DAAM1: variants seen among roughly 807,000 people sequenced by gnomAD.
The protein encoded by DAAM1 is disheveled-associated activator of morphogenesis 1.
In DAAM1, 52 loss-of-function variants were observed where a neutral mutation model predicts 130.0. The ratio of observed to expected loss-of-function variants is 0.40; its 90% CI spans 0.32 to 0.50. The LOEUF is 0.50. Among genes scored for constraint, DAAM1 ranks in the 20% least tolerant of loss-of-function variants. DAAM1 has a pLI of 0.61. For missense variants in DAAM1, 1,134 were observed against 1,303.8 expected, an observed-to-expected ratio of 0.87 and a Z score of 2.01; for synonymous variants, 452 against 444.5, an observed-to-expected ratio of 1.02 and a Z score of -0.21.
intron 1 of DAAM1, among the ~76,000 whole-genome samples, chr14:59,253,786 C>A (rs1170572806): frequency 1.3e-5 from 2 of 152,216 alleles, no homozygotes; most frequent in African/African-American, 4.8e-5. Context: ...GGGACCCTGT[C>A]TAGGCCTCAC....
chr14:59,249,421 C>G (rs1028251583), intron 1 of DAAM1, among the ~76,000 whole-genome samples: 2 of 152,168 alleles, frequency 1.3e-5, no homozygotes, highest in African/African-American at 2.4e-5. Context: ...ACAGATACCA[C>G]GAAACTGCTA....
At chr14:59,192,149 G>GGGGTGT (rs1555353452) in intron 1 of DAAM1, among the ~76,000 whole-genome samples, 21 of 138,650 alleles carry the variant, frequency 1.5e-4, no homozygotes, top group South Asian at 9.9e-4. Flanking sequence ...CTTGTTAAGG[G>GGGGTGT]GTGTGTGTGT....
At chr14:59,282,274 C>T (rs1248582293) in intron 2 of DAAM1, among the ~76,000 whole-genome samples, 1 of 152,158 alleles carries the variant, frequency 6.6e-6, no homozygotes, top group Non-Finnish European at 1.5e-5. Context: ...TTGATTTCCC[C>T]TCCATCTGCA....
intron 2 of DAAM1, among the ~76,000 whole-genome samples, chr14:59,278,832 T>A (rs147548282): frequency 5.3e-5 from 8 of 152,300 alleles, no homozygotes; most frequent in African/African-American, 1.9e-4. Flanking sequence ...TTTCCCAGAT[T>A]GAGCTACTTA....
In DAAM1 at chr14:59,315,331, C is replaced by A. The variant is rs376663825; in HGVS notation, c.325C>A (p.Gln109Lys). 1.9e-6 allele frequency: 3 copies of A among 1,613,840 alleles called. No homozygotes were observed. In the East Asian group the frequency reaches 6.7e-5, roughly 36 times the overall value. Residue 109 changes from glutamine to lysine, a missense_variant, in exon 4 of 25, where the codon CAG becomes AAG. Physicochemically the swap from Gln to Lys is moderately conservative, Grantham distance 53 (BLOSUM62 1). Transcript: ENST00000360909. ...AAGTTGGCCTGAATTCTACATTGAT[C>A]AGCTCAATTCCATGGCTGCTGTAAG... ...ATSWPEFYIDQLNSMAARKSL... is the reference protein window; with the variant it reads ...ATSWPEFYIDKLNSMAARKSL...
chr14:59,345,049 T>C (rs1275940552), intron 16 of DAAM1, among the ~76,000 whole-genome samples: 6 of 152,158 alleles, frequency 3.9e-5, no homozygotes, highest in Non-Finnish European at 8.8e-5. Context: ...CTCCCTATTG[T>C]TACTGTTCCT....
chr14:59,319,028 CAA>C (rs1487803717), intron 4 of DAAM1, among the ~76,000 whole-genome samples: 3 of 152,186 alleles, frequency 2.0e-5, no homozygotes, highest in Non-Finnish European at 2.9e-5. Flanking sequence ...GCTACAGATT[CAA>C]AGTGATTGCA....
intron 2 of DAAM1, among the ~76,000 whole-genome samples, chr14:59,279,558 A>T (rs1303086864): frequency 1.3e-5 from 2 of 152,204 alleles, no homozygotes; most frequent in Non-Finnish European, 2.9e-5. Flanking sequence ...GTAACTAAAG[A>T]AATACTGTGT....
chr14:59,281,442 T>A (rs1566682531), intron 2 of DAAM1, among the ~76,000 whole-genome samples: 1 of 152,132 alleles, frequency 6.6e-6, no homozygotes, highest in Non-Finnish European at 1.5e-5. Context: ...TTGCCTTGTA[T>A]CAGACCTTAC....
intron 1 of DAAM1, among the ~76,000 whole-genome samples, chr14:59,225,177 G>A (rs556656730): frequency 1.2e-4 from 18 of 151,940 alleles, no homozygotes; most frequent in East Asian, 7.8e-4. Flanking sequence ...ACAGGCATGC[G>A]CCACCAGGCC....
intron 15 of DAAM1, among the ~76,000 whole-genome samples, chr14:59,335,028 G>T (rs978657986): frequency 6.6e-6 from 1 of 151,992 alleles, no homozygotes; most frequent in Admixed American, 6.6e-5. Flanking sequence ...CTTCCTTAAT[G>T]CTCACCCCCA....
At chr14:59,227,140 T>C (rs1403864765) in intron 1 of DAAM1, among the ~76,000 whole-genome samples, 1 of 152,230 alleles carries the variant, frequency 6.6e-6, no homozygotes, top group Non-Finnish European at 1.5e-5. Flanking sequence ...GTGCGTCTTT[T>C]ACATTCCAGT....
chr14:59,355,749 C>G (rs1886456257), intron 20 of DAAM1, among the ~76,000 whole-genome samples: 1 of 152,086 alleles, frequency 6.6e-6, no homozygotes, highest in African/African-American at 2.4e-5. Flanking sequence ...AGATCAAGGA[C>G]AGAATGTTAC....
At chr14:59,266,409 G>A (rs1020862585) in intron 2 of DAAM1, among the ~76,000 whole-genome samples, 7 of 152,228 alleles carry the variant, frequency 4.6e-5, no homozygotes, top group Non-Finnish European at 1.0e-4. Context: ...AGGAGCCCGT[G>A]TGGTGGTAGC....
intron 3 of DAAM1, among the ~76,000 whole-genome samples, chr14:59,303,323 T>A (rs1330942751): frequency 6.6e-6 from 1 of 152,204 alleles, no homozygotes; most frequent in East Asian, 1.9e-4. Flanking sequence ...GTCTCTGATG[T>A]GTATCTCACG....
intron 1 of DAAM1, among the ~76,000 whole-genome samples, chr14:59,202,386 C>G (rs1379286362): frequency 1.3e-5 from 2 of 152,116 alleles, no homozygotes; most frequent in Non-Finnish European, 2.9e-5. Flanking sequence ...AATTTCAGAT[C>G]CAGGCTTCTA....
intron 2 of DAAM1, among the ~76,000 whole-genome samples, chr14:59,268,022 C>A (rs1882535899): frequency 6.6e-6 from 1 of 151,610 alleles, no homozygotes; most frequent in African/African-American, 2.4e-5. Flanking sequence ...TTTGCTTCAG[C>A]CTCCTGAGTA....
At chr14:59,219,681 G>C (rs1479742037) in intron 1 of DAAM1, among the ~76,000 whole-genome samples, 2 of 152,160 alleles carry the variant, frequency 1.3e-5, no homozygotes, top group African/African-American at 4.8e-5. Flanking sequence ...TCAAGACTTA[G>C]TGCCAGTGTC....
At chr14:59,247,276 G>C (rs1454300320) in intron 1 of DAAM1, among the ~76,000 whole-genome samples, 1 of 152,116 alleles carries the variant, frequency 6.6e-6, no homozygotes, top group Non-Finnish European at 1.5e-5. Flanking sequence ...GTACCATGCT[G>C]TTTTGATTAC....
Sources: gnomAD v4.1 joint callset for allele counts (sites outside exome capture counted in the v4.1 genomes callset) on GRCh38, gnomAD v4.1.1 for gene constraint, MANE v1.5 for transcripts, NCBI Gene and HGNC (gene_info 2026-07-23, HGNC 2026-07-21) for gene names.